The following LRRC23 variants were observed in gnomAD, a reference collection of about 807,000 sequenced individuals.
LRRC23 encodes leucine-rich repeat-containing protein 23.
Under a neutral mutation model 37.7 loss-of-function variants are expected in LRRC23, and 28 were observed. The ratio of observed to expected loss-of-function variants is 0.74; its 90% CI spans 0.55 to 1.02. The LOEUF (loss-of-function observed/expected upper bound fraction) is 1.02. Among genes scored for constraint, LRRC23 ranks in the 50% least tolerant of loss-of-function variants. The probability of loss-of-function intolerance (pLI) is 0.00; values close to 1 mark genes in which losing one functional copy is unlikely to be tolerated. For missense variants in LRRC23, 377 were observed against 413.2 expected (o/e 0.91, Z 0.76); for synonymous variants, 161 against 165.4 (o/e 0.97, Z 0.20).
chr12:6,907,567 C>G, intron 5 of LRRC23, 122 bp downstream of exon 5: 1 of 1,055,274 alleles, frequency 9.5e-7, no homozygotes, highest in Non-Finnish European at 1.4e-6. Flanking sequence ...GTATTATTAT[C>G]AAGACCATAG....
At chr12:6,906,723 T>G in intron 4 of LRRC23, 61 bp downstream of exon 4, 3 of 1,563,504 alleles carry the variant, frequency 1.9e-6, no homozygotes, top group Non-Finnish European at 2.6e-6. Context: ...CCAACAGAAG[T>G]GGGCAGTATG....
chr12:6,909,114 C>T (rs12315498), intron 5 of LRRC23, among the ~76,000 whole-genome samples: 327 of 5,146 alleles, frequency 0.064, 27 homozygotes, highest in African/African-American at 0.23. Flanking sequence ...TATATAATTA[C>T]ATATAATATA....
intron 5 of LRRC23, among the ~76,000 whole-genome samples, chr12:6,908,865 G>C (rs1305773407): frequency 1.4e-5 from 2 of 143,406 alleles, no homozygotes; most frequent in African/African-American, 2.6e-5. Context: ...AAGAGGGAGT[G>C]GGGGGAAAGA....
chr12:6,910,428 G>T (rs1338710192), intron 6 of LRRC23, among the ~76,000 whole-genome samples: 4 of 152,008 alleles, frequency 2.6e-5, no homozygotes, highest in South Asian at 4.2e-4. Flanking sequence ...GAAAATAATG[G>T]CCCGGCATGG....
At chr12:6,913,315 C>T (rs901542844) in intron 7 of LRRC23, 6 of 382,630 alleles carry the variant, frequency 1.6e-5, no homozygotes, top group Non-Finnish European at 2.4e-5. Flanking sequence ...AGAGTGAAGT[C>T]GGCTAGGAAA....
chr12:6,912,092 C>A (rs1188085034), intron 6 of LRRC23, among the ~76,000 whole-genome samples: 1 of 152,138 alleles, frequency 6.6e-6, no homozygotes, highest in Non-Finnish European at 1.5e-5. Context: ...TCCAACCCAT[C>A]CATAGCCTTA....
rs782141472 is a variant in LRRC23 at position 6,906,672 on chromosome 12, T to C, written c.490+10T>C. Reference sequence around the variant, plus strand: ...ACCCTGAATCTCAAAGGTGGGTCTTTAGGATGGGCTACACAAGATTCTTTC... The same window carrying C: ...ACCCTGAATCTCAAAGGTGGGTCTTCAGGATGGGCTACACAAGATTCTTTC... On this transcript the variant is annotated intron_variant, in intron 4 of 7. Transcript: ENST00000443597. The C allele has an allele frequency of 6.8e-6, 11 of 1,613,004 alleles. 1 individual carries two copies. In the East Asian group the frequency reaches 1.3e-4, roughly 20 times the overall value.
chr12:6,907,213 C>A, intron 4 of LRRC23, 102 bp from the exon 5 acceptor site: 1 of 1,409,376 alleles, frequency 7.1e-7, no homozygotes, highest in Non-Finnish European at 9.9e-7. Flanking sequence ...AGTATCTACC[C>A]TGCTTTGCGA....
In LRRC23 at chr12:6,906,566, G is replaced by A; in HGVS notation, c.394G>A (p.Glu132Lys). ...GNRLRSAQMN[E>K]LPYLQIASFA... is the part of the protein sequence containing the mutation. ...TCGGCTGCGAAGTGCCCAGATGAATGAACTGCCCTACCTGCAGATTGCTAG... is the reference window on the plus strand; with the variant it reads ...TCGGCTGCGAAGTGCCCAGATGAATAAACTGCCCTACCTGCAGATTGCTAG... The change falls in exon 4 of 8, where the codon GAA (glutamate) becomes AAA (lysine). Residue 132 changes from glutamate to lysine, a missense_variant. Physicochemically the swap from Glu to Lys is moderately conservative, Grantham distance 56 (BLOSUM62 1). Transcript: ENST00000443597. 1 of 1,614,224 alleles carries A rather than the reference G, an allele frequency of 6.2e-7. No homozygotes were observed. The highest frequency in any genetic ancestry group is 8.5e-7 in the Non-Finnish European group (1 of 1,180,050).
chr12:6,912,593 G>A, intron 6 of LRRC23, 137 bp from the exon 7 acceptor site: 1 of 782,470 alleles, frequency 1.3e-6, no homozygotes, highest in Non-Finnish European at 2.1e-6. Flanking sequence ...AGTAAATCTG[G>A]CAAGGCTTGG....
At chr12:6,907,285 C>T (rs3741921) in intron 4 of LRRC23, 30 bp from the exon 5 acceptor site, 471,824 of 1,610,116 alleles carry the variant, frequency 0.29, 73,444 homozygotes, top group African/African-American at 0.58. Flanking sequence ...TTGGAGTGGC[C>T]CTTTGAGCTC....
At position 6,907,613 on chromosome 12, in the gene LRRC23, A is replaced by ATATAC. The variant is rs1944981605; in HGVS notation, c.621+168_621+169insTATAC. 5.6e-6 allele frequency: 4 copies of ATATAC among 716,870 alleles called. No homozygotes were observed. In the African/African-American group the frequency reaches 7.0e-5, roughly 13 times the overall value. 44.4% of individuals were successfully genotyped at this position (716,870 alleles called of 1,614,324 possible). ...ATGCTGTGGAGATACACAGCCACCT[A>ATATAC]GCAGGGCTGATAATATATAATGTGT... is the stretch of plus-strand genomic sequence containing the variant. On this transcript the variant is annotated intron_variant, in intron 5 of 7. Transcript: ENST00000443597.
intron 5 of LRRC23, chr12:6,907,694 T>C: frequency 1.7e-6 from 1 of 601,048 alleles, no homozygotes; most frequent in Non-Finnish European, 3.0e-6. Flanking sequence ...GGACCATAAT[T>C]GAGGTACAAA....
intron 5 of LRRC23, 100 bp downstream of exon 5, chr12:6,907,545 T>G: frequency 2.5e-6 from 3 of 1,206,604 alleles, no homozygotes; most frequent in Non-Finnish European, 3.7e-6. Flanking sequence ...TTCATCATTA[T>G]GATAATAACT....
rs782692926 is a variant in LRRC23, at chr12:6,914,011, G to GC, written c.*148dup. 2.4e-5 allele frequency: 39 copies of GC among 1,613,656 alleles called. No homozygotes were observed. The highest frequency in any genetic ancestry group is 2.1e-4 in the South Asian group (19 of 91,056). On this transcript the variant is annotated 3_prime_UTR_variant, in exon 8 of 8. Coordinates refer to ENST00000443597, the MANE Select transcript of LRRC23 (RefSeq NM_001135217.2). This position sits in a 1 kb window ranked among gnomAD's most constrained non-coding sequence, Gnocchi z 7.1. ...AGCTGGAAATTCATCACAACCTGAG[G>GC]CCCAGGATCTGCTCTGTGCCGGTCC...
chr12:6,907,601 A>ATCTC, intron 5 of LRRC23, 156 bp downstream of exon 5: 4 of 765,874 alleles, frequency 5.2e-6, no homozygotes, highest in Non-Finnish European at 9.1e-6. Flanking sequence ...CTGTGGAGAT[A>ATCTC]CACAGCCACC....
intron 6 of LRRC23, among the ~76,000 whole-genome samples, chr12:6,911,636 G>GC (rs1945163491): frequency 6.6e-6 from 1 of 152,178 alleles, no homozygotes; most frequent in Non-Finnish European, 1.5e-5. Flanking sequence ...GAGAAACACT[G>GC]CATGAGGCTC....
chr12:6,905,803 G>A, intron 2 of LRRC23, 42 bp from the exon 3 acceptor site: 1 of 1,612,092 alleles, frequency 6.2e-7, no homozygotes, highest in East Asian at 2.2e-5. Flanking sequence ...GAAGGAGGGG[G>A]TTGGGCAGGG....
In LRRC23 at chr12:6,904,982, C is replaced by T. The variant is rs1034529426; in HGVS notation, c.-143C>T. On this transcript the variant is annotated 5_prime_UTR_variant, in exon 1 of 8. Coordinates refer to ENST00000443597, the MANE Select transcript of LRRC23 (RefSeq NM_001135217.2). The stretch of plus-strand genomic sequence containing the variant: ...TCCCCGTTGCCATAACAGCAGTACA[C>T]AACCCCTCCTTCCCCTCGCCCGCTT... The T allele has an allele frequency of 1.3e-5, 2 of 153,344 alleles. No individual in the cohort carries two copies. The highest frequency in any genetic ancestry group is 2.9e-5 in the Non-Finnish European group (2 of 68,830). The allele number at this position is 153,344 out of a possible 1,614,324, so 9.5% of individuals were successfully genotyped here.
Sources: gnomAD v4.1 joint callset for allele counts (sites outside exome capture counted in the v4.1 genomes callset) on GRCh38, gnomAD v4.1.1 for gene constraint, Gnocchi (gnomAD v3.1) non-coding constraint, MANE v1.5 for transcripts, NCBI Gene and HGNC (gene_info 2026-07-23, HGNC 2026-07-21) for gene names.